WTIP: variants seen among roughly 807,000 people sequenced by gnomAD.
WTIP encodes Wilms tumor protein 1-interacting protein.
In WTIP, 23 loss-of-function variants were observed where a neutral mutation model predicts 41.7. That is an observed-to-expected ratio of 0.55 (90% CI 0.40 to 0.78). The LOEUF (loss-of-function observed/expected upper bound fraction) is 0.78. Ranked by LOEUF, WTIP falls within the 30% of genes least tolerant of loss-of-function variation. The pLI is 0.00. For missense variants in WTIP, 619 were observed against 610.5 expected (o/e 1.01, Z -0.15); for synonymous variants, 314 against 269.9 (o/e 1.16, Z -1.60).
intron 1 of WTIP, among the ~76,000 whole-genome samples, chr19:34,487,787 C>T (rs1027004940): frequency 6.6e-6 from 1 of 152,062 alleles, no homozygotes; most frequent in Admixed American, 6.6e-5. Flanking sequence ...GATTTACGGT[C>T]CAGAGGGCAG....
intron 6 of WTIP, 100 bp downstream of exon 6, chr19:34,494,737 G>T: frequency 8.0e-7 from 1 of 1,247,736 alleles, no homozygotes; most frequent in East Asian, 2.5e-5. Context: ...CAGTGGGAGG[G>T]ATGAGCAGGT....
chr19:34,488,375 C>T (rs1285782346), intron 1 of WTIP, among the ~76,000 whole-genome samples: 3 of 150,016 alleles, frequency 2.0e-5, no homozygotes, highest in Non-Finnish European at 4.4e-5. Flanking sequence ...TGCCTGGCCT[C>T]TTCTTTTTTT....
Position 34,502,764 on chromosome 19 carries a change from C to A in WTIP, c.*2495C>A, listed in dbSNP as rs1016320603. ...TTGAGAGGGGGTTTCAGCATGTTGGCCAGGTTGGTGTCAAACTCCTGACCT... is the reference window on the plus strand; with the variant it reads ...TTGAGAGGGGGTTTCAGCATGTTGGACAGGTTGGTGTCAAACTCCTGACCT... On this transcript the variant is annotated 3_prime_UTR_variant, in exon 8 of 8. Coordinates refer to ENST00000590071, the MANE Select transcript of WTIP (RefSeq NM_001080436.2). 1 of 151,906 alleles carries A rather than the reference C, an allele frequency of 6.6e-6. No individual in the cohort carries two copies. Among genetic ancestry groups the A allele is most frequent in the African/African-American group, 2.4e-5 (1 of 41,286 alleles). 9.4% of individuals were successfully genotyped at this position (151,906 alleles called of 1,614,324 possible). A position where few individuals can be genotyped will look rare whatever the true frequency, so the allele number is the denominator to read the frequency against.
chr19:34,491,506 A>C (rs967820482), intron 2 of WTIP, among the ~76,000 whole-genome samples: 1 of 149,464 alleles, frequency 6.7e-6, no homozygotes, highest in African/African-American at 2.5e-5. Flanking sequence ...GTATTTTTTT[A>C]GTGAGATGGG....
rs2075907185 is a variant in WTIP, at chr19:34,505,444, C to G, written c.*5175C>G. ...CCCAAGGATTCCCCAGGGATGCCAG[C>G]CCCCCTGTGGGCCCTCAGGACTGGT... On this transcript the variant is annotated 3_prime_UTR_variant, in exon 8 of 8. Transcript: ENST00000590071. The G allele has an allele frequency of 6.6e-6, 1 of 152,260 alleles. No homozygotes were observed. Among genetic ancestry groups the G allele is most frequent in the Admixed American group, 6.5e-5 (1 of 15,286 alleles). 9.4% of individuals were successfully genotyped at this position (152,260 alleles called of 1,614,324 possible). A position where few individuals can be genotyped will look rare whatever the true frequency, so the allele number is the denominator to read the frequency against.
Position 34,496,838 on chromosome 19 carries a change from T to C in WTIP, c.1152+1067T>C, listed in dbSNP as rs149918398. ...TGCCGACAGCTGTGGGAATTTGGGG[T>C]CACTGGCGTGTGGCGCTCTCTTCTC... On this transcript the variant is annotated intron_variant, in intron 7 of 7. Coordinates refer to ENST00000590071, the MANE Select transcript of WTIP (RefSeq NM_001080436.2). Among the ~76,000 whole-genome samples, 9 of 151,924 alleles carry C rather than the reference T, an allele frequency of 5.9e-5. No homozygotes were observed. In the East Asian group the frequency reaches 1.4e-3, roughly 23 times the overall value.
rs1416530064 is a variant in WTIP at position 34,511,235 on chromosome 19, TA to T, written c.*10967del. ...CAGAATCATGGCCTGAGGCAAAAGTTATGTGGTAGCGGCAAGAGAAAATGAA... is the reference window on the plus strand; with the variant it reads ...CAGAATCATGGCCTGAGGCAAAAGTTTGTGGTAGCGGCAAGAGAAAATGAA... On this transcript the variant is annotated 3_prime_UTR_variant, in exon 8 of 8. Coordinates refer to ENST00000590071, the MANE Select transcript of WTIP (RefSeq NM_001080436.2). 1 of 152,172 alleles carries T rather than the reference TA, an allele frequency of 6.6e-6. No homozygotes were observed. The highest frequency in any genetic ancestry group is 6.6e-5 in the Admixed American group (1 of 15,264). 9.4% of individuals were successfully genotyped at this position (152,172 alleles called of 1,614,324 possible). A position where few individuals can be genotyped will look rare whatever the true frequency, so the allele number is the denominator to read the frequency against.
intron 1 of WTIP, among the ~76,000 whole-genome samples, chr19:34,484,791 G>A (rs1386857550): frequency 6.6e-6 from 1 of 151,984 alleles, no homozygotes; most frequent in Admixed American, 6.6e-5. Flanking sequence ...TAGGCCGGGT[G>A]CGGTGGCTCA....
chr19:34,490,986 G>A (rs902376623), intron 2 of WTIP, among the ~76,000 whole-genome samples: 10 of 151,340 alleles, frequency 6.6e-5, no homozygotes, highest in African/African-American at 2.2e-4. Flanking sequence ...ACCACGCTCG[G>A]CTAATTTTTT....
chr19:34,482,378 CT>C lies in WTIP; in HGVS notation c.406del (p.Ser136ArgfsTer165). 7.3e-7 allele frequency: 1 copy of C among 1,370,182 alleles called. No individual in the cohort carries two copies. The allele number at this position is 1,370,182 out of a possible 1,614,324, so 84.9% of individuals were successfully genotyped here. A position where few individuals can be genotyped will look rare whatever the true frequency, so the allele number is the denominator to read the frequency against. ...GACCCGCGTCCCGGTCCCGGGCCGCCTTCGGTGGGCAGCGCCCGCTCCAGCG... is the reference window on the plus strand; with the variant it reads ...GACCCGCGTCCCGGTCCCGGGCCGCCTCGGTGGGCAGCGCCCGCTCCAGCG... ...RSDPRPGPGP[P>X]SVGSARSSVS... is the part of the protein sequence containing the mutation. On this transcript the variant is annotated frameshift_variant, in exon 1 of 8. Transcript: ENST00000590071. LOFTEE classifies it high-confidence loss of function.
chr19:34,495,944 G>T (rs1335285479), intron 7 of WTIP, among the ~76,000 whole-genome samples, 173 bp downstream of exon 7: 1 of 152,144 alleles, frequency 6.6e-6, no homozygotes, highest in Admixed American at 6.5e-5. Context: ...ATCACCTGAG[G>T]TCAGGAGTTC....
chr19:34,492,818 G>T (rs1423172304), intron 2 of WTIP, among the ~76,000 whole-genome samples: 1 of 151,790 alleles, frequency 6.6e-6, no homozygotes, highest in Non-Finnish European at 1.5e-5. Context: ...ATTTGTTTTG[G>T]CAACCTTTTT....
rs1390880936 is a variant in WTIP, at chr19:34,510,900, A to G, written c.*10631A>G. On this transcript the variant is annotated 3_prime_UTR_variant, in exon 8 of 8. Transcript: ENST00000590071. ...AAGTTCCTCATCTCCATCTGAGACC[A>G]CATCAGCCTGGACCTTAGTATTCAT... 6.6e-6 allele frequency: 1 copy of G among 152,242 alleles called. No homozygotes were observed. The highest frequency in any genetic ancestry group is 1.5e-5 in the Non-Finnish European group (1 of 68,064). 9.4% of individuals were successfully genotyped at this position (152,242 alleles called of 1,614,324 possible). A position where few individuals can be genotyped will look rare whatever the true frequency, so the allele number is the denominator to read the frequency against.
Position 34,501,425 on chromosome 19 carries a change from G to A in WTIP, c.*1156G>A, listed in dbSNP as rs536180233. ...GTGTGGAGGTCCCTCCGTGCTCCCC[G>A]GGACACACTGACGGGAATGTGGGGT... On this transcript the variant is annotated 3_prime_UTR_variant, in exon 8 of 8. Transcript: ENST00000590071. The A allele has an allele frequency of 3.9e-5, 6 of 152,370 alleles. No individual in the cohort carries two copies. The highest frequency in any genetic ancestry group is 1.4e-4 in the African/African-American group (6 of 41,578). 9.4% of individuals were successfully genotyped at this position (152,370 alleles called of 1,614,324 possible).
In WTIP at chr19:34,482,208, T is replaced by G; in HGVS notation, c.234T>G (p.Val78=). ...RGERGPRRAA[V]PELSAQPAGS... is the part of the protein sequence containing the mutation. ...AGCGGGGTCCCCGGCGCGCGGCGGT[T>G]CCGGAGCTCAGCGCGCAGCCTGCGG... Residue 78 remains valine, a synonymous_variant, in exon 1 of 8, where the codon GTT becomes GTG. Coordinates refer to ENST00000590071, the MANE Select transcript of WTIP (RefSeq NM_001080436.2). 2.6e-6 allele frequency: 3 copies of G among 1,133,468 alleles called. No homozygotes were observed. Among genetic ancestry groups the G allele is most frequent in the Non-Finnish European group, 3.2e-6 (3 of 928,374 alleles). 70.2% of individuals were successfully genotyped at this position (1,133,468 alleles called of 1,614,324 possible). A position where few individuals can be genotyped will look rare whatever the true frequency, so the allele number is the denominator to read the frequency against.
chr19:34,487,259 G>A (rs1398594717), intron 1 of WTIP, among the ~76,000 whole-genome samples: 4 of 151,926 alleles, frequency 2.6e-5, no homozygotes, highest in South Asian at 4.2e-4. Flanking sequence ...CCACCACCAC[G>A]CCCGGCTAAT....
chr19:34,488,103 T>G (rs1021421179), intron 1 of WTIP, among the ~76,000 whole-genome samples: 10 of 151,374 alleles, frequency 6.6e-5, no homozygotes, highest in Non-Finnish European at 1.2e-4. Context: ...TGAGACGGAG[T>G]CTTACTCTGT....
Position 34,493,617 on chromosome 19 carries a change from TCA to T in WTIP, c.1030_1031del (p.Thr344GlyfsTer40). On this transcript the variant is annotated frameshift_variant, in exon 5 of 8. Coordinates refer to ENST00000590071, the MANE Select transcript of WTIP (RefSeq NM_001080436.2). LOFTEE classifies it high-confidence loss of function. The surrounding 1 kb of genome is among the most constrained non-coding windows in gnomAD (Gnocchi z 4.1). ...ACAACATCTACTGCGTGCGAGACTA[TCA>T]CACGTGAGTTGCTGGTGCTGTGGAG... ...ENNIYCVRDYHTVFAPKCASC... is the reference protein window; with the variant it reads ...ENNIYCVRDYXTVFAPKCASC... 6.2e-7 allele frequency: 1 copy of T among 1,613,352 alleles called. No individual in the cohort carries two copies. The highest frequency in any genetic ancestry group is 1.1e-5 in the South Asian group (1 of 91,086).
Position 34,482,279 on chromosome 19 carries a change from G to A in WTIP, c.305G>A (p.Gly102Asp). The change falls in exon 1 of 8, where the codon GGC (glycine) becomes GAC (aspartate). Residue 102 changes from glycine to aspartate, a missense_variant. Physicochemically the swap from Gly to Asp is moderately conservative, Grantham distance 94. Around this residue, in one of 3 missense-constraint regions of WTIP, gnomAD observed 363 missense variants for 309.0 expected, o/e 1.17. Coordinates refer to ENST00000590071, the MANE Select transcript of WTIP (RefSeq NM_001080436.2). ...GCGGGGTCCGACGGCGGCGGCGGTGGCGGCAGCGCCCGATCCAGCGGCATC... is the reference window on the plus strand; with the variant it reads ...GCGGGGTCCGACGGCGGCGGCGGTGACGGCAGCGCCCGATCCAGCGGCATC... ...SLAGSDGGGG[G>D]GSARSSGISL... 7.6e-7 allele frequency: 1 copy of A among 1,317,412 alleles called. No individual in the cohort carries two copies. Among genetic ancestry groups the A allele is most frequent in the Non-Finnish European group, 9.7e-7 (1 of 1,026,292 alleles). 81.6% of individuals were successfully genotyped at this position (1,317,412 alleles called of 1,614,324 possible).
Sources: gnomAD v4.1 joint callset for allele counts (sites outside exome capture counted in the v4.1 genomes callset) on GRCh38, gnomAD v4.1.1 for gene constraint, gnomAD v4.1.1 regional missense constraint, Gnocchi (gnomAD v3.1) non-coding constraint, MANE v1.5 for transcripts, NCBI Gene and HGNC (gene_info 2026-07-23, HGNC 2026-07-21) for gene names.